ACOT13: variants seen among roughly 807,000 people sequenced by gnomAD.
The protein encoded by ACOT13 is acyl-coenzyme A thioesterase 13.
A neutral mutation model predicts 11.8 loss-of-function variants in ACOT13; 10 were observed. That is an observed-to-expected ratio of 0.85 (90% CI 0.53 to 1.44). The LOEUF is 1.44. ACOT13 is among the 40% of genes most tolerant of loss of function. ACOT13 has a pLI of 0.00. For missense variants in ACOT13, 172 were observed against 174.1 expected (o/e 0.99, Z 0.07); for synonymous variants, 53 against 61.0 (o/e 0.87, Z 0.61).
Position 24,675,176 on chromosome 6 carries a change from G to T in ACOT13, c.81+7832G>T, listed in dbSNP as rs374828539. On this transcript the variant is annotated intron_variant, in intron 1 of 2. Coordinates refer to ENST00000230048, the MANE Select transcript of ACOT13 (RefSeq NM_018473.4). ...TTCCAAGTCTTTGCTATGGTGAATA[G>T]TGCTGCAGTAAACATACATGTGCAT... is the stretch of plus-strand genomic sequence containing the variant. Among the ~76,000 whole-genome samples the T allele has an allele frequency of 3.0e-4, 46 of 152,240 alleles. No individual in the cohort carries two copies. The South Asian group carries it at 9.1e-3, about 30-fold the overall frequency.
chr6:24,667,368 C>A (rs373384761), intron 1 of ACOT13, 24 bp downstream of exon 1: 1 of 1,609,940 alleles, frequency 6.2e-7, no homozygotes, highest in Non-Finnish European at 8.5e-7. Context: ...AGGGGAGAAG[C>A]CGTGGCTTCT....
intron 1 of ACOT13, among the ~76,000 whole-genome samples, chr6:24,670,750 C>T (rs1191913990): frequency 6.6e-6 from 1 of 152,106 alleles, no homozygotes; most frequent in African/African-American, 2.4e-5. Flanking sequence ...GTCAATAGCT[C>T]AAAAGAAAAG....
At chr6:24,677,052 G>A (rs1382513376) in intron 1 of ACOT13, among the ~76,000 whole-genome samples, 1 of 152,168 alleles carries the variant, frequency 6.6e-6, no homozygotes, top group Non-Finnish European at 1.5e-5. Flanking sequence ...CCTGGAGTGA[G>A]GGGATTAGTT....
intron 1 of ACOT13, among the ~76,000 whole-genome samples, chr6:24,681,948 G>C (rs1778559055): frequency 1.3e-5 from 2 of 152,230 alleles, no homozygotes; most frequent in Non-Finnish European, 1.5e-5. Flanking sequence ...CTGTTGAGTA[G>C]AGACTTCTGG....
At position 24,667,192 on chromosome 6, in the gene ACOT13, T is replaced by TA; in HGVS notation, c.-70dup. On this transcript the variant is annotated 5_prime_UTR_variant, in exon 1 of 3. Transcript: ENST00000230048. ...GCCCTTTGTGTCCTCCTTCTTTCAC[T>TA]AACTTCTGGACTTTCCAGCTCTTCC... 6.7e-7 allele frequency: 1 copy of TA among 1,490,304 alleles called. No homozygotes were observed. The allele number at this position is 1,490,304 out of a possible 1,614,324, so 92.3% of individuals were successfully genotyped here.
At chr6:24,689,133 T>A (rs1778683256) in intron 1 of ACOT13, among the ~76,000 whole-genome samples, 1 of 151,932 alleles carries the variant, frequency 6.6e-6, no homozygotes, top group African/African-American at 2.4e-5. Flanking sequence ...CACTCCAGCC[T>A]GGGCAACGAG....
chr6:24,684,253 G>T (rs994446887), intron 1 of ACOT13, among the ~76,000 whole-genome samples: 9 of 152,192 alleles, frequency 5.9e-5, no homozygotes, highest in Admixed American at 5.9e-4. Flanking sequence ...AAATCCAAGG[G>T]CATACTATTT....
In ACOT13 at chr6:24,703,435, C is replaced by T. The variant is rs1562165230; in HGVS notation, c.*1820C>T. The T allele has an allele frequency of 6.6e-6, 1 of 152,268 alleles. No homozygotes were observed. The highest frequency in any genetic ancestry group is 1.5e-5 in the Non-Finnish European group (1 of 68,018). The allele number at this position is 152,268 out of a possible 1,614,324, so 9.4% of individuals were successfully genotyped here. Reference sequence around the variant, plus strand: ...AAGGAAGCTGGGCTCCTTGGAGAAACAGCTGACTCCAGGGCTTGAGGCTGG... The same window carrying T: ...AAGGAAGCTGGGCTCCTTGGAGAAATAGCTGACTCCAGGGCTTGAGGCTGG... On this transcript the variant is annotated 3_prime_UTR_variant, in exon 3 of 3. Coordinates refer to ENST00000230048, the MANE Select transcript of ACOT13 (RefSeq NM_018473.4).
intron 1 of ACOT13, among the ~76,000 whole-genome samples, chr6:24,667,851 A>G (rs1778286846): frequency 6.6e-6 from 1 of 152,216 alleles, no homozygotes; most frequent in Non-Finnish European, 1.5e-5. Flanking sequence ...TAGCCCTTGG[A>G]GGAAGACTGA....
At chr6:24,675,136 G>A (rs1778433046) in intron 1 of ACOT13, among the ~76,000 whole-genome samples, 2 of 152,160 alleles carry the variant, frequency 1.3e-5, no homozygotes, top group Admixed American at 6.5e-5. Flanking sequence ...TATCATTCAT[G>A]GACATTTGTG....
At chr6:24,681,183 CT>C (rs34288242) in intron 1 of ACOT13, among the ~76,000 whole-genome samples, 116,093 of 151,660 alleles carry the variant, frequency 0.77, 45,155 homozygotes, top group African/African-American at 0.91. Flanking sequence ...TACCTTTTTG[CT>C]TTTTTTTTAA....
intron 2 of ACOT13, among the ~76,000 whole-genome samples, chr6:24,700,670 A>G (rs952611625): frequency 2.0e-5 from 3 of 152,140 alleles, no homozygotes; most frequent in Non-Finnish European, 4.4e-5. Flanking sequence ...TCCTGCCCTC[A>G]GGTGATCTGC....
chr6:24,681,387 T>C (rs1390378697), intron 1 of ACOT13, among the ~76,000 whole-genome samples: 2 of 152,258 alleles, frequency 1.3e-5, no homozygotes, highest in Non-Finnish European at 2.9e-5. Flanking sequence ...TACGCCCTTA[T>C]TTACATTGAC....
intron 1 of ACOT13, among the ~76,000 whole-genome samples, chr6:24,694,883 G>A (rs1562161924): frequency 6.6e-6 from 1 of 152,108 alleles, no homozygotes; most frequent in Non-Finnish European, 1.5e-5. Flanking sequence ...AAGTTGGGGG[G>A]AAAAATCAAA....
intron 1 of ACOT13, among the ~76,000 whole-genome samples, chr6:24,695,957 C>T (rs1276285700): frequency 6.6e-6 from 1 of 152,092 alleles, no homozygotes; most frequent in Non-Finnish European, 1.5e-5. Flanking sequence ...ACTTGGGAGG[C>T]TGAGGCGGGA....
intron 1 of ACOT13, among the ~76,000 whole-genome samples, chr6:24,693,583 C>G (rs1270292674): frequency 6.6e-6 from 1 of 152,194 alleles, no homozygotes; most frequent in Non-Finnish European, 1.5e-5. Flanking sequence ...ATCTTCACTG[C>G]TGTTATTAGG....
In ACOT13 at chr6:24,704,916, TTTTTC is replaced by T. The variant is rs1341500777; in HGVS notation, c.*3306_*3310del. Reference sequence around the variant, plus strand: ...TTTCACCTATTTTATTTAGGTTTTCTTTTTCTTTTTTTCTTTTTTTTTCAAATTCC... The same window carrying T: ...TTTCACCTATTTTATTTAGGTTTTCTTTTTTTTCTTTTTTTTTCAAATTCC... On this transcript the variant is annotated 3_prime_UTR_variant, in exon 3 of 3. Coordinates refer to ENST00000230048, the MANE Select transcript of ACOT13 (RefSeq NM_018473.4). 1.3e-5 allele frequency: 2 copies of T among 151,986 alleles called. No individual in the cohort carries two copies. The highest frequency in any genetic ancestry group is 4.8e-5 in the African/African-American group (2 of 41,338). 9.4% of individuals were successfully genotyped at this position (151,986 alleles called of 1,614,324 possible). A position where few individuals can be genotyped will look rare whatever the true frequency, so the allele number is the denominator to read the frequency against.
intron 1 of ACOT13, among the ~76,000 whole-genome samples, chr6:24,685,971 T>C (rs1031200323): frequency 2.6e-5 from 4 of 151,978 alleles, no homozygotes; most frequent in Admixed American, 2.6e-4. Flanking sequence ...GGTGGGAGAA[T>C]TGCTTGAGGG....
chr6:24,675,722 C>G (rs1377301026), intron 1 of ACOT13, among the ~76,000 whole-genome samples: 2 of 152,158 alleles, frequency 1.3e-5, no homozygotes, highest in African/African-American at 4.8e-5. Flanking sequence ...TGTGCAGAAG[C>G]TCTTTAGTTT....
Sources: gnomAD v4.1 joint callset for allele counts (sites outside exome capture counted in the v4.1 genomes callset) on GRCh38, gnomAD v4.1.1 for gene constraint, MANE v1.5 for transcripts, NCBI Gene and HGNC (gene_info 2026-07-23, HGNC 2026-07-21) for gene names.